PON3: variants seen among roughly 807,000 people sequenced by gnomAD.
PON3 encodes paraoxonase 3, also known as serum paraoxonase/lactonase 3.
A neutral mutation model predicts 36.3 loss-of-function variants in PON3; 37 were observed. That is an observed-to-expected ratio of 1.02 (90% CI 0.78 to 1.34). The LOEUF is 1.34. Ranked by LOEUF, PON3 falls within the 40% of genes most tolerant of loss-of-function variation. PON3 has a pLI of 0.00. For missense variants in PON3, 415 were observed against 426.5 expected, an observed-to-expected ratio of 0.97 and a Z score of 0.24; for synonymous variants, 155 against 154.8, an observed-to-expected ratio of 1.00 and a Z score of -0.01.
rs34107793 is a variant in PON3 at position 95,372,898 on chromosome 7, C to A, written c.202-560G>T. Among the ~76,000 whole-genome samples, 357 of 152,214 alleles carry A rather than the reference C, an allele frequency of 2.3e-3. 2 individuals are homozygous for A. Among genetic ancestry groups the A allele is most frequent in the Non-Finnish European group, 4.4e-3 (297 of 68,012 alleles). ...TGACTATTTTTGACCTATTTTGTTC[C>A]TATAGGTATGTCTGAAAATTCTGAC... On this transcript the variant is annotated intron_variant, in intron 3 of 8. Transcript: ENST00000265627.
intron 1 of PON3, among the ~76,000 whole-genome samples, chr7:95,395,153 C>G (rs549486371): frequency 6.6e-6 from 1 of 152,288 alleles, no homozygotes; most frequent in Non-Finnish European, 1.5e-5. Flanking sequence ...ACAGGGTCTC[C>G]TAATAGTCAA....
intron 2 of PON3, among the ~76,000 whole-genome samples, chr7:95,392,527 A>C (rs964611935): frequency 6.6e-6 from 1 of 152,212 alleles, no homozygotes; most frequent in Non-Finnish European, 1.5e-5. Context: ...CAAAACAGTA[A>C]ACAAATGAGT....
chr7:95,375,115 T>C (rs978466827), intron 3 of PON3, among the ~76,000 whole-genome samples: 1 of 152,066 alleles, frequency 6.6e-6, no homozygotes, highest in Admixed American at 6.6e-5. Flanking sequence ...GTTAAGGACA[T>C]CACTATGCTC....
rs539182594 is a variant in PON3, at chr7:95,372,931, C to T, written c.202-593G>A. On this transcript the variant is annotated intron_variant, in intron 3 of 8. Coordinates refer to ENST00000265627, the MANE Select transcript of PON3 (RefSeq NM_000940.3). ...ATGTCTGAAAATTCTGACATGAATGCTTTACTCAAACATCACAAAAAGTTT... is the reference window on the plus strand; with the variant it reads ...ATGTCTGAAAATTCTGACATGAATGTTTTACTCAAACATCACAAAAAGTTT... Among the ~76,000 whole-genome samples the T allele has an allele frequency of 1.2e-4, 19 of 152,230 alleles. No homozygotes were observed. In the South Asian group the frequency reaches 2.5e-3, roughly 20 times the overall value.
intron 3 of PON3, among the ~76,000 whole-genome samples, chr7:95,380,240 C>A (rs1809015914): frequency 6.6e-6 from 1 of 152,164 alleles, no homozygotes; most frequent in Non-Finnish European, 1.5e-5. Context: ...GATAAAACCA[C>A]AAAGATGGGG....
At chr7:95,393,947 A>T (rs1043237831) in intron 2 of PON3, among the ~76,000 whole-genome samples, 11 of 152,088 alleles carry the variant, frequency 7.2e-5, no homozygotes, top group Admixed American at 3.3e-4. Context: ...AGGCTGGAGT[A>T]CAGTGGCGCG....
At chr7:95,374,991 C>T (rs1453535772) in intron 3 of PON3, among the ~76,000 whole-genome samples, 4 of 152,062 alleles carry the variant, frequency 2.6e-5, no homozygotes, top group Admixed American at 6.6e-5. Context: ...AACTCTGTAA[C>T]TCTAGCTTGC....
rs1808821919 is a variant in PON3 at position 95,372,166 on chromosome 7, G to A, written c.367+7C>T. 6.2e-7 allele frequency: 1 copy of A among 1,612,058 alleles called. No individual in the cohort carries two copies. The highest frequency in any genetic ancestry group is 8.5e-7 in the Non-Finnish European group (1 of 1,178,358). On this transcript the variant is annotated splice_region_variant and intron_variant, in intron 4 of 8. Transcript: ENST00000265627. ...TTCCCCCTTATCCCTAAACATACAG[G>A]TTTTACCTTTGTCGATGAAAATACT...
At chr7:95,384,190 T>C (rs1188573738) in intron 3 of PON3, among the ~76,000 whole-genome samples, 1 of 152,152 alleles carries the variant, frequency 6.6e-6, no homozygotes, top group Non-Finnish European at 1.5e-5. Context: ...TCACACCTTA[T>C]ACAAAAATTA....
intron 3 of PON3, among the ~76,000 whole-genome samples, chr7:95,387,688 A>AAAAGAAC (rs1459011927): frequency 4.6e-5 from 7 of 152,234 alleles, no homozygotes; most frequent in Non-Finnish European, 8.8e-5. Flanking sequence ...ATTCTCAGGA[A>AAAAGAAC]AAAGAACAAA....
At chr7:95,377,542 G>C (rs777305397) in intron 3 of PON3, 2 of 426,756 alleles carry the variant, frequency 4.7e-6, no homozygotes, top group Non-Finnish European at 9.4e-6. Flanking sequence ...CCTCATACAG[G>C]CGGATGCCCC....
chr7:95,375,236 G>A (rs1808888312), intron 3 of PON3, among the ~76,000 whole-genome samples: 1 of 150,520 alleles, frequency 6.6e-6, no homozygotes, highest in Admixed American at 6.6e-5. Context: ...AAAATTTAAT[G>A]TATATATGTA....
At chr7:95,376,873 T>C (rs181955481) in intron 3 of PON3, among the ~76,000 whole-genome samples, 40 of 152,310 alleles carry the variant, frequency 2.6e-4, no homozygotes, top group Admixed American at 1.5e-3. Flanking sequence ...CTGAGGTACC[T>C]GGTCCATCTC....
At chr7:95,381,426 A>C (rs968226516) in intron 3 of PON3, among the ~76,000 whole-genome samples, 1 of 152,218 alleles carries the variant, frequency 6.6e-6, no homozygotes, top group African/African-American at 2.4e-5. Context: ...TAAAGAGTCA[A>C]GACCCATCAG....
chr7:95,375,262 ATATG>A (rs1010994800), intron 3 of PON3, among the ~76,000 whole-genome samples: 42 of 151,224 alleles, frequency 2.8e-4, no homozygotes, highest in African/African-American at 8.3e-4. Context: ...ATACATATAT[ATATG>A]TATGTGTGTA....
chr7:95,392,517 C>G (rs1157363727), intron 2 of PON3, among the ~76,000 whole-genome samples: 3 of 152,114 alleles, frequency 2.0e-5, no homozygotes, highest in Admixed American at 2.0e-4. Flanking sequence ...TACTACACCA[C>G]AAAACAGTAA....
Position 95,390,196 on chromosome 7 carries a change from T to C in PON3, c.159A>G (p.Glu53=). The C allele has an allele frequency of 6.2e-7, 1 of 1,611,512 alleles. No homozygotes were observed. The highest frequency in any genetic ancestry group is 2.2e-5 in the East Asian group (1 of 44,868). Residue 53 remains glutamate, a synonymous_variant, in exon 3 of 9, where the codon GAA becomes GAG. Transcript: ENST00000265627. ...GCCCACTAGGAAGTATATCAATATC[T>C]TCAGAGCCACTTTCTGCAAAAGAAG... The part of the protein sequence containing the change: ...HLIEELESGS[E]DIDILPSGLA...
chr7:95,372,384 C>A (rs751890572), intron 3 of PON3, 46 bp from the exon 4 acceptor site: 4 of 1,573,106 alleles, frequency 2.5e-6, no homozygotes, highest in South Asian at 1.1e-5. Context: ...CATATCAAAA[C>A]AATATTTTCA....
At position 95,362,464 on chromosome 7, in the gene PON3, A is replaced by G; in HGVS notation, c.804T>C (p.Asp268=). The part of the protein sequence containing the change: ...LKVIQLGTLV[D]NLTVDPATGD... Reference sequence around the variant, plus strand: ...CTGTGGCAGGATCGACAGTCAGGTTATCCACTAAGGTGCCCAACTGTATCA... The same window carrying G: ...CTGTGGCAGGATCGACAGTCAGGTTGTCCACTAAGGTGCCCAACTGTATCA... Residue 268 remains aspartate (D), a synonymous_variant, in exon 8 of 9, where the codon GAT becomes GAC. Transcript: ENST00000265627. 1 of 1,613,778 alleles carries G rather than the reference A, an allele frequency of 6.2e-7. No individual in the cohort carries two copies. The highest frequency in any genetic ancestry group is 8.5e-7 in the Non-Finnish European group (1 of 1,179,784).
Sources: allele counts gnomAD v4.1 joint callset (sites outside exome capture counted in the v4.1 genomes callset), GRCh38; gene constraint gnomAD v4.1.1; transcripts MANE v1.5; gene names NCBI Gene and HGNC (gene_info 2026-07-23, HGNC 2026-07-21).